ZNF432: variants seen among roughly 807,000 people sequenced by gnomAD.
ZNF432 encodes the protein zinc finger protein 432.
A neutral mutation model predicts 13.9 loss-of-function variants in ZNF432; 10 were observed. The observed-to-expected ratio is 0.72, with a 90% CI of 0.44 to 1.22. The LOEUF (loss-of-function observed/expected upper bound fraction) is 1.22. Ranked by LOEUF, ZNF432 falls within the 50% of genes most tolerant of loss-of-function variation. ZNF432 has a pLI of 0.00. For synonymous variants in ZNF432, 247 were observed against 256.2 expected, an observed-to-expected ratio of 0.96 and a Z score of 0.34; for missense variants, 793 against 796.2, an observed-to-expected ratio of 1.00 and a Z score of 0.05.
rs762684776 is a variant in ZNF432, at chr19:52,032,924, A to C, written c.*796T>G. On this transcript the variant is annotated 3_prime_UTR_variant, in exon 5 of 5. Coordinates refer to ENST00000221315, the MANE Select transcript of ZNF432 (RefSeq NM_014650.4). ...TATGAAATATATCTGCCAACTGTTA[A>C]GGTTTTATTTCTGGGCAAAGGCTTT... is the stretch of plus-strand genomic sequence containing the variant. 20 of 152,158 alleles carry C rather than the reference A, an allele frequency of 1.3e-4. No homozygotes were observed. Among genetic ancestry groups the C allele is most frequent in the Non-Finnish European group, 2.5e-4 (17 of 68,042 alleles). The allele number at this position is 152,158 out of a possible 1,614,324, so 9.4% of individuals were successfully genotyped here.
At chr19:52,047,169 T>C (rs1055235504) in intron 1 of ZNF432, 109 bp from the exon 2 acceptor site, 19 of 388,126 alleles carry the variant, frequency 4.9e-5, no homozygotes, top group Non-Finnish European at 8.7e-5. Context: ...ACCCTCAATG[T>C]AGGCCAAATG....
At chr19:52,036,967 A>G (rs2087088137) in intron 4 of ZNF432, among the ~76,000 whole-genome samples, 1 of 152,188 alleles carries the variant, frequency 6.6e-6, no homozygotes, top group African/African-American at 2.4e-5. Flanking sequence ...CAAGGCACTG[A>G]GCCAGGATAC....
At chr19:52,036,576 A>G (rs1284975239) in intron 4 of ZNF432, among the ~76,000 whole-genome samples, 1 of 152,252 alleles carries the variant, frequency 6.6e-6, no homozygotes, top group East Asian at 1.9e-4. Context: ...GTTATCAAAT[A>G]TGTAACACAG....
At chr19:52,045,501 C>A (rs1443220351) in intron 2 of ZNF432, among the ~76,000 whole-genome samples, 1 of 151,362 alleles carries the variant, frequency 6.6e-6, no homozygotes, top group African/African-American at 2.4e-5. Flanking sequence ...GGATTACAGG[C>A]ATGCGCCACC....
chr19:52,042,621 T>C (rs1041815892), intron 2 of ZNF432, among the ~76,000 whole-genome samples: 15 of 152,126 alleles, frequency 9.9e-5, no homozygotes, highest in Non-Finnish European at 2.1e-4. Flanking sequence ...CTTTACTAAA[T>C]ATGGAAGACA....
rs1247016801 is a variant in ZNF432 at position 52,034,488 on chromosome 19, T to G, written c.1191A>C (p.Gly397=). The change falls in exon 5 of 5, where the codon GGA becomes GGC. Residue 397 remains glycine (G), a synonymous_variant. Coordinates refer to ENST00000221315, the MANE Select transcript of ZNF432 (RefSeq NM_014650.4). ...ATTCACTGCATATGTAGGGTTTCTC[T>G]CCTGTATGAGTTCGTTGATGTTCGA... ...RMIEHQRTHT[G]EKPYICSECG... is the part of the protein sequence containing the mutation. 8 of 1,614,118 alleles carry G rather than the reference T, an allele frequency of 5.0e-6. No homozygotes were observed. The highest frequency in any genetic ancestry group is 6.8e-6 in the Non-Finnish European group (8 of 1,180,016).
At chr19:52,043,177 G>A in intron 2 of ZNF432, among the ~76,000 whole-genome samples, 1 of 152,202 alleles carries the variant, frequency 6.6e-6, no homozygotes, top group Non-Finnish European at 1.5e-5. Context: ...TGTCTGTACA[G>A]AAAGAAGTAG....
At chr19:52,047,944 T>C (rs1351903048) in intron 1 of ZNF432, among the ~76,000 whole-genome samples, 1 of 152,024 alleles carries the variant, frequency 6.6e-6, no homozygotes, top group Non-Finnish European at 1.5e-5. Context: ...TAATGTTAAA[T>C]AGAAAGCCTA....
At position 52,040,503 on chromosome 19, in the gene ZNF432, T is replaced by C. The variant is rs374133065; in HGVS notation, c.223A>G (p.Ser75Gly). The C allele has an allele frequency of 6.2e-7, 1 of 1,614,170 alleles. No individual in the cohort carries two copies. The highest frequency in any genetic ancestry group is 1.1e-5 in the South Asian group (1 of 91,086). ...EPWTMEDERH[S>G]RICPENNEVD... ...TCTCACATACCTGGACAGATTCGACTGTGCCTTTCATCTTCCATTGTCCAT... is the reference window on the plus strand; with the variant it reads ...TCTCACATACCTGGACAGATTCGACCGTGCCTTTCATCTTCCATTGTCCAT... Residue 75 changes from serine (S) to glycine (G), a missense_variant, in exon 4 of 5, where the codon AGT (serine) becomes GGT (glycine). Ser to Gly is a moderately conservative substitution (Grantham distance 56, BLOSUM62 0). Coordinates refer to ENST00000221315, the MANE Select transcript of ZNF432 (RefSeq NM_014650.4).
Position 52,035,280 on chromosome 19 carries a change from A to G in ZNF432, c.399T>C (p.Tyr133=), listed in dbSNP as rs1333991065. ...TTAAATTTGATTTCAAAGTTTTTAT[A>G]TATAACTCAAATGTATCATGATTTT... ...FRENHDTFEL[Y]IKTLKSNLSL... Residue 133 remains tyrosine, a synonymous_variant, in exon 5 of 5, where the codon TAT becomes TAC. Coordinates refer to ENST00000221315, the MANE Select transcript of ZNF432 (RefSeq NM_014650.4). 1.0e-5 allele frequency: 16 copies of G among 1,607,066 alleles called. No individual in the cohort carries two copies. The highest frequency in any genetic ancestry group is 4.5e-5 in the South Asian group (4 of 88,846).
At chr19:52,039,828 CAAAAA>C (rs562794463) in intron 4 of ZNF432, among the ~76,000 whole-genome samples, 15 of 52,376 alleles carry the variant, frequency 2.9e-4, no homozygotes, top group African/African-American at 1.0e-3. Flanking sequence ...GACTCCATCT[CAAAAA>C]AAAAAAAAAA....
intron 1 of ZNF432, 36 bp from the exon 2 acceptor site, chr19:52,047,096 CT>C: frequency 2.2e-6 from 1 of 458,346 alleles, no homozygotes; most frequent in Non-Finnish European, 3.9e-6. Context: ...GTACATTCAC[CT>C]TAACACGTGG....
intron 2 of ZNF432, among the ~76,000 whole-genome samples, chr19:52,045,678 T>C (rs2087174677): frequency 6.7e-6 from 1 of 149,572 alleles, no homozygotes; most frequent in South Asian, 2.1e-4. Flanking sequence ...TTTTAACCAG[T>C]GTGTACTTCA....
intron 1 of ZNF432, among the ~76,000 whole-genome samples, chr19:52,048,226 G>C (rs1391777556): frequency 6.8e-6 from 1 of 146,916 alleles, no homozygotes; most frequent in Non-Finnish European, 1.5e-5. Context: ...GCTTTCACTT[G>C]TCTCTAGACA....
chr19:52,035,372 G>A lies in ZNF432; in HGVS notation c.307C>T (p.Gln103Ter). The change falls in exon 5 of 5, where the codon CAA becomes TAA. Residue 103 changes from glutamine (Q) to a stop codon, truncating the protein, a stop_gained. Transcript: ENST00000221315. LOFTEE classifies it low-confidence loss of function (END_TRUNC). ...ENQRMLKSVE[Q>*]YHEHNAFGNT... ...CCAAATGCATTATGTTCATGGTATT[G>A]TTCCACACTCTTCAGCATCCTTTGA... 6.2e-7 allele frequency: 1 copy of A among 1,600,460 alleles called. No homozygotes were observed. The highest frequency in any genetic ancestry group is 1.1e-5 in the South Asian group (1 of 87,468).
At position 52,033,884 on chromosome 19, in the gene ZNF432, A is replaced by G; in HGVS notation, c.1795T>C (p.Cys599Arg). 1 of 1,614,080 alleles carries G rather than the reference A, an allele frequency of 6.2e-7. No individual in the cohort carries two copies. Among genetic ancestry groups the G allele is most frequent in the Non-Finnish European group, 8.5e-7 (1 of 1,180,006 alleles). ...GTGAAGCCTTTACCACATTCATTACATCCATAAGGTTTTTCTCCAGTATGA... is the reference window on the plus strand; with the variant it reads ...GTGAAGCCTTTACCACATTCATTACGTCCATAAGGTTTTTCTCCAGTATGA... ...QVHTGEKPYGCNECGKGFTMK... is the reference protein window; with the variant it reads ...QVHTGEKPYGRNECGKGFTMK... Residue 599 changes from cysteine to arginine, a missense_variant, in exon 5 of 5, where the codon TGT becomes CGT. Cys to Arg is a radical substitution (Grantham distance 180). Coordinates refer to ENST00000221315, the MANE Select transcript of ZNF432 (RefSeq NM_014650.4).
At chr19:52,044,492 CA>C (rs926217613) in intron 2 of ZNF432, among the ~76,000 whole-genome samples, 21 of 151,240 alleles carry the variant, frequency 1.4e-4, no homozygotes, top group African/African-American at 5.1e-4. Context: ...TTGCAATAAA[CA>C]AAAGATCAAT....
In ZNF432 at chr19:52,033,779, A is replaced by T. The variant is rs781514754; in HGVS notation, c.1900T>A (p.Phe634Ile). Residue 634 changes from phenylalanine (F) to isoleucine (I), a missense_variant, in exon 5 of 5, where the codon TTC becomes ATC. Coordinates refer to ENST00000221315, the MANE Select transcript of ZNF432 (RefSeq NM_014650.4). ...PFVCSECRKA[F>I]SSKRNLIVHQ... is the part of the protein sequence containing the mutation. ...ACAATGAGATTTCTCTTTGAGGAGAAGGCTTTTCTACATTCACTGCATACA... is the reference window on the plus strand; with the variant it reads ...ACAATGAGATTTCTCTTTGAGGAGATGGCTTTTCTACATTCACTGCATACA... 11 of 1,607,484 alleles carry T rather than the reference A, an allele frequency of 6.8e-6. No homozygotes were observed. Among genetic ancestry groups the T allele is most frequent in the African/African-American group, 6.7e-5 (5 of 74,452 alleles).
chr19:52,034,016 A>G lies in ZNF432; in HGVS notation c.1663T>C (p.Tyr555His). 6.2e-7 allele frequency: 1 copy of G among 1,614,178 alleles called. No homozygotes were observed. The highest frequency in any genetic ancestry group is 1.1e-5 in the South Asian group (1 of 91,080). ...TGAATTTGCTGATGTACAATGAGAT[A>G]GCGTTTCATGGTGAAGCCTTTTCCA... is the stretch of plus-strand genomic sequence containing the variant. ...ECGKGFTMKR[Y>H]LIVHQQIHTE... The change falls in exon 5 of 5, where the codon TAT (tyrosine) becomes CAT (histidine). Residue 555 changes from tyrosine (Y) to histidine (H), a missense_variant. By Grantham distance (83) the Tyr-to-His change is moderately conservative (BLOSUM62 2). Coordinates refer to ENST00000221315, the MANE Select transcript of ZNF432 (RefSeq NM_014650.4).
Sources: gnomAD v4.1 joint callset for allele counts (sites outside exome capture counted in the v4.1 genomes callset) on GRCh38, gnomAD v4.1.1 for gene constraint, MANE v1.5 for transcripts, NCBI Gene and HGNC (gene_info 2026-07-23, HGNC 2026-07-21) for gene names.